Variants in GPC6 observed in about 807,000 individuals in gnomAD.
GPC6 encodes the protein glypican-6.
In GPC6, 14 loss-of-function variants were observed where a neutral mutation model predicts 55.2. The ratio of observed to expected loss-of-function variants is 0.25; its 90% confidence interval spans 0.17 to 0.40. GPC6 has a LOEUF of 0.40. Among genes scored for constraint, GPC6 ranks in the 10% least tolerant of loss-of-function variants. The pLI is 1.00. For synonymous variants in GPC6, 278 were observed against 259.6 expected, an observed-to-expected ratio of 1.07 and a Z score of -0.68; for missense variants, 641 against 708.5, an observed-to-expected ratio of 0.90 and a Z score of 1.08.
intron 4 of GPC6, among the ~76,000 whole-genome samples, chr13:94,051,667 G>A (rs1883953140): frequency 6.6e-6 from 1 of 151,926 alleles, no homozygotes; most frequent in African/African-American, 2.4e-5. Flanking sequence ...CAAAATTAAA[G>A]GACTCTTCTT....
At chr13:94,043,128 C>A (rs1248160959) in intron 4 of GPC6, among the ~76,000 whole-genome samples, 1 of 151,682 alleles carries the variant, frequency 6.6e-6, no homozygotes, top group African/African-American at 2.4e-5. Context: ...ACAAGATATA[C>A]CAGGATCATT....
At chr13:93,557,305 T>G (rs552022726) in intron 2 of GPC6, among the ~76,000 whole-genome samples, 5 of 152,278 alleles carry the variant, frequency 3.3e-5, no homozygotes, top group South Asian at 4.1e-4. Flanking sequence ...GACTGCTTTT[T>G]CCATAATTGA....
At chr13:93,874,381 G>A (rs557333104) in intron 3 of GPC6, among the ~76,000 whole-genome samples, 2 of 151,728 alleles carry the variant, frequency 1.3e-5, no homozygotes, top group South Asian at 4.2e-4. Flanking sequence ...ACATGACCTT[G>A]TTCTTTTTTA....
intron 4 of GPC6, among the ~76,000 whole-genome samples, chr13:94,173,907 G>C (rs835980): frequency 6.6e-6 from 1 of 152,204 alleles, no homozygotes; most frequent in South Asian, 2.1e-4. Context: ...CTGTGGTAAC[G>C]TAATTGCAAA....
intron 1 of GPC6, among the ~76,000 whole-genome samples, chr13:93,523,389 A>G (rs560966785): frequency 2.0e-5 from 3 of 151,358 alleles, no homozygotes; most frequent in Non-Finnish European, 3.0e-5. Context: ...ATGTATGTGT[A>G]TATATATATC....
At chr13:93,289,532 GTATATAA>G (rs1878251665) in intron 1 of GPC6, among the ~76,000 whole-genome samples, 1 of 152,072 alleles carries the variant, frequency 6.6e-6, no homozygotes, top group South Asian at 2.1e-4. Context: ...TTTATATGTA[GTATATAA>G]ATATTTATAT....
In GPC6 at chr13:93,632,615, A is replaced by G. The variant is rs9524151; in HGVS notation, c.319+87194A>G. 4.6e-5 allele frequency among the ~76,000 whole-genome samples: 5 copies of G among 109,706 alleles called. 1 individual carries two copies. Among genetic ancestry groups the G allele is most frequent in the Admixed American group, 3.8e-4 (4 of 10,530 alleles). 72.0% of individuals were successfully genotyped at this position (109,706 alleles called of 152,430 possible). ...AATATATGTATATGTGTGTATATAT[A>G]TGTATATATATATATATATATAATA... On this transcript the variant is annotated intron_variant, in intron 2 of 8. Transcript: ENST00000377047.
chr13:93,671,564 C>G (rs942448595), intron 2 of GPC6, among the ~76,000 whole-genome samples: 5 of 152,020 alleles, frequency 3.3e-5, no homozygotes, highest in African/African-American at 1.2e-4. Flanking sequence ...AGTGTCACCA[C>G]CAGGAAGCCT....
At chr13:93,572,210 T>A (rs1876439707) in intron 2 of GPC6, among the ~76,000 whole-genome samples, 1 of 152,192 alleles carries the variant, frequency 6.6e-6, no homozygotes, top group South Asian at 2.1e-4. Flanking sequence ...GTCTTCTGTG[T>A]GCTACTAAAG....
intron 4 of GPC6, among the ~76,000 whole-genome samples, chr13:94,163,560 G>C (rs945420696): frequency 6.6e-6 from 1 of 152,050 alleles, no homozygotes; most frequent in Non-Finnish European, 1.5e-5. Context: ...ATTTTTAAAA[G>C]GTAGCTTTAT....
intron 2 of GPC6, among the ~76,000 whole-genome samples, chr13:93,807,124 G>T (rs1006294554): frequency 6.6e-6 from 1 of 152,056 alleles, no homozygotes; most frequent in Non-Finnish European, 1.5e-5. Flanking sequence ...TCTTAGCATT[G>T]TATAGCAATT....
intron 1 of GPC6, among the ~76,000 whole-genome samples, chr13:93,235,553 A>G (rs1267214479): frequency 1.3e-5 from 2 of 152,124 alleles, no homozygotes; most frequent in Non-Finnish European, 2.9e-5. Context: ...AGGCTTAGGC[A>G]GGAGATTGCC....
intron 2 of GPC6, among the ~76,000 whole-genome samples, chr13:93,568,126 A>T (rs1341432810): frequency 6.6e-6 from 1 of 152,216 alleles, no homozygotes; most frequent in East Asian, 1.9e-4. Context: ...GTGTCTTTCA[A>T]GATGCATCTT....
intron 3 of GPC6, among the ~76,000 whole-genome samples, chr13:93,994,508 A>G (rs1450762168): frequency 1.3e-5 from 2 of 152,156 alleles, no homozygotes; most frequent in East Asian, 3.9e-4. Flanking sequence ...GTTAGGAATT[A>G]TTGCTCATTG....
At chr13:93,868,785 T>C (rs1373515586) in intron 3 of GPC6, among the ~76,000 whole-genome samples, 1 of 151,872 alleles carries the variant, frequency 6.6e-6, no homozygotes, top group Non-Finnish European at 1.5e-5. Context: ...AATGGATTGA[T>C]GTCAGATTTT....
At chr13:93,618,819 A>T (rs915081470) in intron 2 of GPC6, among the ~76,000 whole-genome samples, 2 of 152,156 alleles carry the variant, frequency 1.3e-5, no homozygotes, top group African/African-American at 4.8e-5. Flanking sequence ...ACCATTAATT[A>T]TAGACATGCA....
chr13:93,788,634 A>C (rs547852873), intron 2 of GPC6, among the ~76,000 whole-genome samples: 2 of 151,894 alleles, frequency 1.3e-5, no homozygotes, highest in African/African-American at 2.4e-5. Flanking sequence ...TCCCAAGTGC[A>C]TTGATTTCTG....
At chr13:93,613,530 A>ACACAC (rs1566450041) in intron 2 of GPC6, among the ~76,000 whole-genome samples, 1,529 of 139,974 alleles carry the variant, frequency 0.011, 24 homozygotes, top group African/African-American at 0.041. Flanking sequence ...ACACACACAA[A>ACACAC]ACACACACAC....
At chr13:94,233,955 T>C (rs368422575) in intron 4 of GPC6, among the ~76,000 whole-genome samples, 2 of 152,134 alleles carry the variant, frequency 1.3e-5, no homozygotes, top group African/African-American at 4.8e-5. Context: ...GGGGGACTAC[T>C]GTAACAGTAC....
Sources: allele counts gnomAD v4.1 joint callset (sites outside exome capture counted in the v4.1 genomes callset), GRCh38; gene constraint gnomAD v4.1.1; transcripts MANE v1.5; gene names NCBI Gene and HGNC (gene_info 2026-07-23, HGNC 2026-07-21).